RHEX: variants seen among roughly 807,000 people sequenced by gnomAD.
RHEX encodes regulator of hemoglobinization and erythroid cell expansion, also known as regulator of hemoglobinization and erythroid cell expansion protein.
RHEX carries 18 observed loss-of-function variants against 20.1 expected under a neutral mutation model. That is an observed-to-expected ratio of 0.90 (90% CI 0.62 to 1.33). The LOEUF is 1.33. Among genes scored for constraint, RHEX ranks in the 40% most tolerant of loss-of-function variants. The pLI is 0.00. For missense variants in RHEX, 192 were observed against 214.3 expected (o/e 0.90, Z 0.65); for synonymous variants, 87 against 77.1 (o/e 1.13, Z -0.67).
At chr1:206,096,971 C>T (rs553647817) in intron 1 of RHEX, among the ~76,000 whole-genome samples, 93 of 151,938 alleles carry the variant, frequency 6.1e-4, no homozygotes, top group Non-Finnish European at 1.1e-3. Context: ...GACGAGGTTT[C>T]GCCATATTGC....
intron 1 of RHEX, among the ~76,000 whole-genome samples, chr1:206,081,053 C>G (rs1431906999): frequency 6.7e-6 from 1 of 149,560 alleles, no homozygotes; most frequent in Non-Finnish European, 1.5e-5. Flanking sequence ...GTTGCCCAGG[C>G]TGGTCTCAAA....
intron 1 of RHEX, among the ~76,000 whole-genome samples, chr1:206,071,212 G>C (rs1662522392): frequency 6.6e-6 from 1 of 152,118 alleles, no homozygotes. Flanking sequence ...TGAAGAACTT[G>C]GAGTCTAATG....
chr1:206,079,728 A>T (rs147713087), intron 1 of RHEX, among the ~76,000 whole-genome samples: 1 of 152,150 alleles, frequency 6.6e-6, no homozygotes, highest in South Asian at 2.1e-4. Context: ...GCTAATTTTT[A>T]AATTTTTAGT....
intron 1 of RHEX, among the ~76,000 whole-genome samples, chr1:206,089,243 A>G (rs935005507): frequency 2.0e-5 from 3 of 151,494 alleles, no homozygotes; most frequent in African/African-American, 2.4e-5. Flanking sequence ...GGATCTCACT[A>G]TGTTGCCCAG....
rs782211537 is a variant in RHEX at position 206,098,196 on chromosome 1, A to G, written c.112+15A>G. On this transcript the variant is annotated intron_variant, in intron 3 of 5. Transcript: ENST00000331555. ...CAGGCACATGGGTAACTGGCTCAGC[A>G]TCCTCTTCCCTCCTAGTCACTCTCA... The G allele has an allele frequency of 1.3e-6, 2 of 1,561,394 alleles. No individual in the cohort carries two copies. The highest frequency in any genetic ancestry group is 2.2e-5 in the South Asian group (2 of 89,968).
chr1:206,054,028 T>C (rs550390304), intron 1 of RHEX, among the ~76,000 whole-genome samples: 6 of 152,038 alleles, frequency 3.9e-5, no homozygotes, highest in Admixed American at 3.3e-4. Context: ...CAGTGTAACA[T>C]GTATTATGGT....
chr1:206,099,098 T>G (rs914285601), intron 3 of RHEX, among the ~76,000 whole-genome samples: 1 of 152,030 alleles, frequency 6.6e-6, no homozygotes, highest in East Asian at 1.9e-4. Context: ...GCTGGGCAGC[T>G]GGAGCAGGCA....
intron 1 of RHEX, among the ~76,000 whole-genome samples, chr1:206,086,096 A>G (rs966053989): frequency 3.9e-5 from 6 of 152,060 alleles, no homozygotes; most frequent in Non-Finnish European, 5.9e-5. Flanking sequence ...GACCTTCTCT[A>G]TTCCCTGGTG....
chr1:206,083,610 G>A, intron 1 of RHEX: 1 of 985,450 alleles, frequency 1.0e-6, no homozygotes. Flanking sequence ...GGACATCGCT[G>A]AAACACAGAC....
At chr1:206,095,005 C>A (rs1553287500) in intron 1 of RHEX, among the ~76,000 whole-genome samples, 1 of 152,024 alleles carries the variant, frequency 6.6e-6, no homozygotes, top group Non-Finnish European at 1.5e-5. Context: ...CATTTGGGGT[C>A]CCTTTGGCCA....
chr1:206,093,395 C>T (rs1296811042), intron 1 of RHEX, among the ~76,000 whole-genome samples: 5 of 151,894 alleles, frequency 3.3e-5, no homozygotes, highest in East Asian at 1.9e-4. Flanking sequence ...CTCAACCTCT[C>T]GAGTAGCTAG....
At chr1:206,084,975 G>A (rs1055170769) in intron 1 of RHEX, among the ~76,000 whole-genome samples, 1 of 152,062 alleles carries the variant, frequency 6.6e-6, no homozygotes, top group African/African-American at 2.4e-5. Context: ...CCAACCCCCG[G>A]GTTGGAGAGA....
At chr1:206,063,790 T>G (rs1382225391) in intron 1 of RHEX, among the ~76,000 whole-genome samples, 3 of 152,044 alleles carry the variant, frequency 2.0e-5, no homozygotes, top group Non-Finnish European at 4.4e-5. Context: ...AGTGCCGAGA[T>G]TGCAGCCTCT....
intron 1 of RHEX, among the ~76,000 whole-genome samples, chr1:206,078,219 G>A (rs28475692): frequency 2.0e-5 from 3 of 151,994 alleles, no homozygotes; most frequent in African/African-American, 4.8e-5. Flanking sequence ...AAGCATCTTG[G>A]GTAAGGGATA....
chr1:206,069,844 A>G (rs1191545909), intron 1 of RHEX, among the ~76,000 whole-genome samples: 6 of 152,180 alleles, frequency 3.9e-5, no homozygotes, highest in Non-Finnish European at 2.9e-5. Flanking sequence ...AAATTACATG[A>G]ATAGTAAAAA....
At chr1:206,101,039 A>T in intron 4 of RHEX, 97 bp from the exon 5 acceptor site, 2 of 948,648 alleles carry the variant, frequency 2.1e-6, no homozygotes, top group South Asian at 1.7e-5. Context: ...CTCTGTCTTT[A>T]TCTGATAATA....
At chr1:206,059,769 C>T (rs1311044203) in intron 1 of RHEX, among the ~76,000 whole-genome samples, 1 of 152,146 alleles carries the variant, frequency 6.6e-6, no homozygotes, top group African/African-American at 2.4e-5. Context: ...CAGAATGTGG[C>T]TGGAGAGGGG....
chr1:206,089,230 G>A (rs1571869015), intron 1 of RHEX, among the ~76,000 whole-genome samples: 1 of 151,642 alleles, frequency 6.6e-6, no homozygotes, highest in African/African-American at 2.4e-5. Flanking sequence ...TTTGTAGAGA[G>A]GGGGATCTCA....
intron 1 of RHEX, among the ~76,000 whole-genome samples, chr1:206,073,789 C>A (rs543466276): frequency 6.6e-6 from 1 of 152,308 alleles, no homozygotes; most frequent in East Asian, 1.9e-4. Context: ...CTACCTCCTA[C>A]ATATTTAAAA....
Sources: gnomAD v4.1 joint callset for allele counts (sites outside exome capture counted in the v4.1 genomes callset) on GRCh38, gnomAD v4.1.1 for gene constraint, MANE v1.5 for transcripts, NCBI Gene and HGNC (gene_info 2026-07-23, HGNC 2026-07-21) for gene names.